CDH4: variants seen among roughly 807,000 people sequenced by gnomAD.
The protein encoded by CDH4 is cadherin-4.
CDH4 carries 33 observed loss-of-function variants against 86.0 expected under a neutral mutation model. The observed-to-expected ratio is 0.38, with a 90% CI of 0.29 to 0.51. The LOEUF (loss-of-function observed/expected upper bound fraction) is 0.51, where lower values mean the gene tolerates loss of function less well. Among genes scored for constraint, CDH4 ranks in the 20% least tolerant of loss-of-function variants. The pLI is 0.86. For synonymous variants in CDH4, 555 were observed against 549.4 expected (o/e 1.01, Z -0.14); for missense variants, 1,114 against 1,307.4 (o/e 0.85, Z 2.28).
intron 2 of CDH4, among the ~76,000 whole-genome samples, chr20:61,302,181 T>G (rs547969811): frequency 6.6e-6 from 1 of 152,330 alleles, no homozygotes; most frequent in African/African-American, 2.4e-5. Context: ...GGCGGTGACC[T>G]GCAGCTCATG....
At chr20:61,450,824 G>C (rs1262066748) in intron 2 of CDH4, among the ~76,000 whole-genome samples, 1 of 150,382 alleles carries the variant, frequency 6.6e-6, no homozygotes, top group Admixed American at 6.6e-5. Flanking sequence ...TGTGCTCCAA[G>C]AGTGGAGGTG....
At chr20:61,257,576 T>C (rs1411980468) in intron 2 of CDH4, among the ~76,000 whole-genome samples, 1 of 152,238 alleles carries the variant, frequency 6.6e-6, no homozygotes, top group Non-Finnish European at 1.5e-5. Context: ...TTGCATATAC[T>C]CTTATGCTGT....
chr20:61,320,711 T>A (rs920184837), intron 2 of CDH4, among the ~76,000 whole-genome samples: 21 of 151,584 alleles, frequency 1.4e-4, no homozygotes, highest in African/African-American at 5.1e-4. Flanking sequence ...ACTGCTGAGG[T>A]CGAGGAAGCC....
chr20:61,665,002 C>A (rs1165678790), intron 2 of CDH4, among the ~76,000 whole-genome samples: 1 of 152,224 alleles, frequency 6.6e-6, no homozygotes, highest in Non-Finnish European at 1.5e-5. Context: ...TTCTACCAAC[C>A]CATTCGTCTG....
chr20:61,583,293 G>A (rs2086445529), intron 2 of CDH4, among the ~76,000 whole-genome samples: 1 of 132,336 alleles, frequency 7.6e-6, no homozygotes, highest in Non-Finnish European at 1.6e-5. Flanking sequence ...CGGTTCTGCG[G>A]GGGGACAGAG....
intron 11 of CDH4, among the ~76,000 whole-genome samples, chr20:61,926,459 C>T (rs926450502): frequency 2.0e-5 from 3 of 152,186 alleles, no homozygotes; most frequent in African/African-American, 7.2e-5. Flanking sequence ...CCACAGAGCC[C>T]GGGCTGTGTA....
At chr20:61,416,923 G>A (rs2085150318) in intron 2 of CDH4, among the ~76,000 whole-genome samples, 1 of 152,004 alleles carries the variant, frequency 6.6e-6, no homozygotes, top group Non-Finnish European at 1.5e-5. Flanking sequence ...GGGGAGAAGT[G>A]GATATCTGTG....
At chr20:61,725,434 G>A (rs1285131469) in intron 2 of CDH4, among the ~76,000 whole-genome samples, 2 of 152,144 alleles carry the variant, frequency 1.3e-5, no homozygotes, top group African/African-American at 4.8e-5. Context: ...GCGCTGCCTG[G>A]GAGCAGGGAG....
chr20:61,290,389 C>T (rs1467943901), intron 2 of CDH4, among the ~76,000 whole-genome samples: 3 of 51,154 alleles, frequency 5.9e-5, no homozygotes. Flanking sequence ...TCCAATGAGA[C>T]TTGCTGGGTT....
At chr20:61,834,122 G>T (rs1350324789) in intron 4 of CDH4, among the ~76,000 whole-genome samples, 1 of 152,242 alleles carries the variant, frequency 6.6e-6, no homozygotes, top group African/African-American at 2.4e-5. Flanking sequence ...GCAGAGCAAG[G>T]GTGGGCCGGG....
At chr20:61,552,047 T>G (rs553827655) in intron 2 of CDH4, among the ~76,000 whole-genome samples, 1 of 152,336 alleles carries the variant, frequency 6.6e-6, no homozygotes, top group African/African-American at 2.4e-5. Context: ...AACATAGGTG[T>G]AAGTCTTTGT....
chr20:61,668,801 C>T (rs1380927906), intron 2 of CDH4, among the ~76,000 whole-genome samples: 3 of 152,220 alleles, frequency 2.0e-5, no homozygotes, highest in Non-Finnish European at 4.4e-5. Flanking sequence ...TCTTGCTTCC[C>T]ACTGCTGAGT....
At chr20:61,641,631 C>G (rs2145802619) in intron 2 of CDH4, among the ~76,000 whole-genome samples, 1 of 152,008 alleles carries the variant, frequency 6.6e-6, no homozygotes, top group Middle Eastern at 3.4e-3. Flanking sequence ...GCCTGACCCA[C>G]CAGGCACCAC....
intron 4 of CDH4, among the ~76,000 whole-genome samples, chr20:61,833,015 C>T (rs534590501): frequency 5.3e-5 from 8 of 152,086 alleles, no homozygotes; most frequent in Non-Finnish European, 8.8e-5. Flanking sequence ...AGAGTACCTG[C>T]GAGTCTGAGG....
At chr20:61,418,306 G>A (rs547048028) in intron 2 of CDH4, among the ~76,000 whole-genome samples, 39 of 151,370 alleles carry the variant, frequency 2.6e-4, no homozygotes, top group African/African-American at 9.5e-4. Context: ...CGCCTCCCGG[G>A]TTCACACCAT....
At chr20:61,831,509 G>A (rs1008239611) in intron 4 of CDH4, among the ~76,000 whole-genome samples, 4 of 152,210 alleles carry the variant, frequency 2.6e-5, no homozygotes, top group African/African-American at 4.8e-5. Flanking sequence ...CTGACACCCC[G>A]AATGCGCTAC....
At chr20:61,872,889 T>G (rs1007919096) in intron 6 of CDH4, among the ~76,000 whole-genome samples, 46 of 152,202 alleles carry the variant, frequency 3.0e-4, no homozygotes, top group African/African-American at 1.1e-3. Context: ...CACCCACCAC[T>G]GCTCCCAGCA....
chr20:61,433,345 C>T (rs923546360), intron 2 of CDH4, among the ~76,000 whole-genome samples: 26 of 152,150 alleles, frequency 1.7e-4, no homozygotes, highest in Non-Finnish European at 3.4e-4. Flanking sequence ...CCTGCTCTGA[C>T]GCCTTCCTTC....
Position 61,912,069 on chromosome 20 carries a change from C to T in CDH4, c.1374+1462C>T, listed in dbSNP as rs374572772. Among the ~76,000 whole-genome samples, 100 of 152,262 alleles carry T rather than the reference C, an allele frequency of 6.6e-4. No individual in the cohort carries two copies. The South Asian group carries it at 0.02, about 30-fold the overall frequency. On this transcript the variant is annotated intron_variant, in intron 9 of 15. Coordinates refer to ENST00000614565, the MANE Select transcript of CDH4 (RefSeq NM_001794.5). ...ACACCTTTCAGCTTCTAGGGCCCCTCGTGGTCCAAAATGGCTACTAGAGCA... is the reference window on the plus strand; with the variant it reads ...ACACCTTTCAGCTTCTAGGGCCCCTTGTGGTCCAAAATGGCTACTAGAGCA...
Sources: allele counts gnomAD v4.1 joint callset (sites outside exome capture counted in the v4.1 genomes callset), GRCh38; gene constraint gnomAD v4.1.1; transcripts MANE v1.5; gene names NCBI Gene and HGNC (gene_info 2026-07-23, HGNC 2026-07-21).